The following MYO18B variants were observed in gnomAD, a reference collection of about 807,000 sequenced individuals.
MYO18B encodes unconventional myosin-XVIIIb.
In MYO18B, 204 loss-of-function variants were observed where a neutral mutation model predicts 273.0. The ratio of observed to expected loss-of-function variants is 0.75; its 90% confidence interval spans 0.67 to 0.84. The LOEUF is 0.84. MYO18B is among the 40% of genes least tolerant of loss of function. MYO18B has a pLI of 0.00. For missense variants in MYO18B, 3,212 were observed against 3,287.6 expected, an observed-to-expected ratio of 0.98 and a Z score of 0.56; for synonymous variants, 1,330 against 1,305.7, an observed-to-expected ratio of 1.02 and a Z score of -0.40.
rs935205036 is a variant in MYO18B, at chr22:25,932,439, G to C, written c.5517+11030G>C. 4.0e-4 allele frequency among the ~76,000 whole-genome samples: 44 copies of C among 109,334 alleles called. 1 individual carries two copies. The highest frequency in any genetic ancestry group is 2.5e-3 in the Admixed American group (24 of 9,772). 71.7% of individuals were successfully genotyped at this position (109,334 alleles called of 152,430 possible). On this transcript the variant is annotated intron_variant, in intron 34 of 43. Coordinates refer to ENST00000335473, the MANE Select transcript of MYO18B (RefSeq NM_032608.7). ...TTTTTTTTCTTTGAGACACAGTTTT[G>C]CTCTTGTCGCCCAGGCTGGAGTGCA...
chr22:25,962,587 A>G (rs2092929560), intron 39 of MYO18B, among the ~76,000 whole-genome samples: 1 of 152,188 alleles, frequency 6.6e-6, no homozygotes, highest in Non-Finnish European at 1.5e-5. Context: ...TGGATGGACT[A>G]GGGACTGTGC....
the MYO18B span, among the ~76,000 whole-genome samples, chr22:26,051,265 C>T: frequency 7.1e-6 from 1 of 140,642 alleles, no homozygotes; most frequent in Non-Finnish European, 1.5e-5. Flanking sequence ...GCTCTGTTGC[C>T]CAGGCTGGAG....
rs549206570 is a variant in MYO18B at position 25,812,769 on chromosome 22, G to A, written c.2522-10736G>A. Among the ~76,000 whole-genome samples the A allele has an allele frequency of 4.9e-4, 75 of 152,294 alleles. 1 individual carries two copies. The highest frequency in any genetic ancestry group is 1.8e-3 in the African/African-American group (75 of 41,548). On this transcript the variant is annotated intron_variant, in intron 12 of 43. Coordinates refer to ENST00000335473, the MANE Select transcript of MYO18B (RefSeq NM_032608.7). ...ATCCCTGATGGGTGGAGAGTCCAAG[G>A]GCTGGAAAGGGACTTGGACTGCAGT...
chr22:26,051,178 A>G, the MYO18B span, among the ~76,000 whole-genome samples: 1 of 151,438 alleles, frequency 6.6e-6, no homozygotes, highest in Non-Finnish European at 1.5e-5. Flanking sequence ...TTTTAGGTAC[A>G]TAGTGTCACA....
At position 25,820,140 on chromosome 22, in the gene MYO18B, G is replaced by A. The variant is rs548972174; in HGVS notation, c.2522-3365G>A. Among the ~76,000 whole-genome samples, 13 of 52,330 alleles carry A rather than the reference G, an allele frequency of 2.5e-4. No individual in the cohort carries two copies. The South Asian group carries it at 6.6e-3, about 26-fold the overall frequency. 34.3% of individuals were successfully genotyped at this position (52,330 alleles called of 152,430 possible). A position where few individuals can be genotyped will look rare whatever the true frequency, so the allele number is the denominator to read the frequency against. ...TCTCCATCATTTTTTAAAGTGACAGGATTTTTAAAAATTAGCCATGTTACC... is the reference window on the plus strand; with the variant it reads ...TCTCCATCATTTTTTAAAGTGACAGAATTTTTAAAAATTAGCCATGTTACC... On this transcript the variant is annotated intron_variant, in intron 12 of 43. Coordinates refer to ENST00000335473, the MANE Select transcript of MYO18B (RefSeq NM_032608.7).
chr22:26,055,661 G>A, the MYO18B span, among the ~76,000 whole-genome samples: 2 of 152,198 alleles, frequency 1.3e-5, no homozygotes, highest in Non-Finnish European at 2.9e-5. Context: ...AGGAGGGACA[G>A]GAGTTGTATT....
intron 39 of MYO18B, among the ~76,000 whole-genome samples, chr22:25,963,654 C>T (rs886681436): frequency 6.6e-6 from 1 of 150,962 alleles, no homozygotes; most frequent in Admixed American, 6.6e-5. Context: ...CTATTTAACC[C>T]ACTATACGGT....
chr22:25,842,880 G>A (rs1164107066), intron 17 of MYO18B, among the ~76,000 whole-genome samples: 5 of 152,142 alleles, frequency 3.3e-5, no homozygotes, highest in African/African-American at 1.2e-4. Context: ...CACTGGGGAT[G>A]TGAACATAAA....
intron 40 of MYO18B, 110 bp from the exon 41 acceptor site, chr22:26,003,155 G>A (rs778959267): frequency 4.3e-5 from 42 of 975,332 alleles, no homozygotes; most frequent in Admixed American, 2.8e-4. Flanking sequence ...TCACACAGGG[G>A]CAAAGGTTGG....
At chr22:25,978,615 G>A (rs1203000034) in intron 39 of MYO18B, among the ~76,000 whole-genome samples, 2 of 152,198 alleles carry the variant, frequency 1.3e-5, no homozygotes, top group Non-Finnish European at 2.9e-5. Context: ...GTGGAATACA[G>A]TTGGAGAGTG....
rs758352080 is a variant in MYO18B at position 26,027,005 on chromosome 22, C to G, written c.7031C>G (p.Ser2344Trp). The change falls in exon 43 of 44, where the codon TCG (serine) becomes TGG (tryptophan). Residue 2344 changes from serine to tryptophan, a missense_variant. Physicochemically the swap from Ser to Trp is radical, Grantham distance 177 (BLOSUM62 -3). Coordinates refer to ENST00000335473, the MANE Select transcript of MYO18B (RefSeq NM_032608.7). The surrounding 1 kb of genome is among the most constrained non-coding windows in gnomAD (Gnocchi z 4.1). ...VGGTTLLPEK[S>W]KTQFSSCESL... ...GGCACAACCCTACTCCCCGAAAAGT[C>G]GAAAACCCAATTCAGTTCCTGCGAG... 6.2e-7 allele frequency: 1 copy of G among 1,613,968 alleles called. No homozygotes were observed. The highest frequency in any genetic ancestry group is 1.1e-5 in the South Asian group (1 of 91,082).
In MYO18B at chr22:26,028,437, G is replaced by A. The variant is rs547560719; in HGVS notation, c.*12+747G>A. On this transcript the variant is annotated intron_variant, in intron 43 of 43. Transcript: ENST00000335473. ...AGTTGGAAGAGACCTTCAGAATAGT[G>A]GAGTCCACTTGCATTGCATATGGAG... 1.2e-4 allele frequency: 19 copies of A among 152,268 alleles called. 1 individual carries two copies. Among genetic ancestry groups the A allele is most frequent in the African/African-American group, 4.6e-4 (19 of 41,540 alleles). The allele number at this position is 152,268 out of a possible 1,614,324, so 9.4% of individuals were successfully genotyped here.
chr22:25,913,865 C>T (rs1040462327), intron 33 of MYO18B, among the ~76,000 whole-genome samples: 2 of 152,218 alleles, frequency 1.3e-5, no homozygotes, highest in Admixed American at 6.5e-5. Context: ...TTAATACAGT[C>T]GTGTTAATCA....
chr22:25,875,040 G>A (rs1029051043), intron 23 of MYO18B, among the ~76,000 whole-genome samples: 2 of 152,242 alleles, frequency 1.3e-5, no homozygotes, highest in African/African-American at 2.4e-5. Flanking sequence ...CTAGAATGGA[G>A]TCTTGTTGTA....
At chr22:25,856,187 C>T (rs2090568601) in intron 21 of MYO18B, among the ~76,000 whole-genome samples, 1 of 152,240 alleles carries the variant, frequency 6.6e-6, no homozygotes, top group African/African-American at 2.4e-5. Context: ...TCTCCACATT[C>T]CTGCCAATGT....
At chr22:25,810,884 G>C (rs536148812) in intron 12 of MYO18B, among the ~76,000 whole-genome samples, 57 of 152,150 alleles carry the variant, frequency 3.7e-4, no homozygotes, top group Non-Finnish European at 7.1e-4. Context: ...AGCAGCAAAG[G>C]TCCATCTATA....
At chr22:25,890,695 AGAG>A (rs1033856053) in intron 25 of MYO18B, 58 bp from the exon 26 acceptor site, 24 of 1,594,140 alleles carry the variant, frequency 1.5e-5, no homozygotes, top group African/African-American at 2.7e-5. Flanking sequence ...GTGCATGGGG[AGAG>A]AAGGGTTGGT....
chr22:26,017,898 A>G (rs1013050053), intron 42 of MYO18B, among the ~76,000 whole-genome samples: 1 of 149,670 alleles, frequency 6.7e-6, no homozygotes, highest in Non-Finnish European at 1.5e-5. Flanking sequence ...AACATCTTGC[A>G]TTACTCCTCC....
chr22:25,948,157 C>T (rs2092736831), intron 36 of MYO18B, among the ~76,000 whole-genome samples: 1 of 152,120 alleles, frequency 6.6e-6, no homozygotes, highest in Non-Finnish European at 1.5e-5. Flanking sequence ...CATTCACCCA[C>T]TTAACTATCC....
Sources: gnomAD v4.1 joint callset for allele counts (sites outside exome capture counted in the v4.1 genomes callset) on GRCh38, gnomAD v4.1.1 for gene constraint, Gnocchi (gnomAD v3.1) non-coding constraint, MANE v1.5 for transcripts, NCBI Gene and HGNC (gene_info 2026-07-23, HGNC 2026-07-21) for gene names.